LRRC7: variants seen among roughly 807,000 people sequenced by gnomAD.
The protein encoded by LRRC7 is leucine-rich repeat-containing protein 7.
A neutral mutation model predicts 175.7 loss-of-function variants in LRRC7; 23 were observed. The observed-to-expected ratio is 0.13, with a 90% CI of 0.09 to 0.19. The LOEUF (loss-of-function observed/expected upper bound fraction) is 0.19, where lower values mean the gene tolerates loss of function less well. LRRC7 is among the 10% of genes least tolerant of loss of function. LRRC7 has a pLI of 1.00. For missense variants in LRRC7, 1,354 were observed against 1,904.7 expected (o/e 0.71, Z 5.38); for synonymous variants, 685 against 680.9 (o/e 1.01, Z -0.09).
At chr1:69,911,106 T>G (rs2101702332) in intron 7 of LRRC7, among the ~76,000 whole-genome samples, 1 of 152,310 alleles carries the variant, frequency 6.6e-6, no homozygotes, top group South Asian at 2.1e-4. Flanking sequence ...CTGTCACCCC[T>G]TTCTTTGACT....
chr1:70,051,204 G>C (rs1571178358), intron 22 of LRRC7, among the ~76,000 whole-genome samples: 1 of 152,132 alleles, frequency 6.6e-6, no homozygotes, highest in East Asian at 1.9e-4. Context: ...TACAGATAGA[G>C]TTGGGGAGGA....
chr1:69,860,131 C>G (rs1684200191), intron 7 of LRRC7, among the ~76,000 whole-genome samples: 1 of 151,772 alleles, frequency 6.6e-6, no homozygotes, highest in Non-Finnish European at 1.5e-5. Context: ...GTTTTTTAAA[C>G]TTTTAAATGT....
At chr1:69,922,944 A>G (rs1456650983) in intron 7 of LRRC7, among the ~76,000 whole-genome samples, 3 of 151,774 alleles carry the variant, frequency 2.0e-5, no homozygotes, top group Non-Finnish European at 4.4e-5. Flanking sequence ...TATACCTCCT[A>G]ATGCTATCCC....
In LRRC7 at chr1:69,574,683, T is replaced by C. The variant is rs371935960; in HGVS notation, c.2+6042T>C. Among the ~76,000 whole-genome samples, 6 of 152,274 alleles carry C rather than the reference T, an allele frequency of 3.9e-5. No individual in the cohort carries two copies. In the South Asian group the frequency reaches 1.0e-3, roughly 26 times the overall value. ...TTATAAATACTAACTACTTAAGTGTTCTGCATCAAAAGTATTCATCATTGC... is the reference window on the plus strand; with the variant it reads ...TTATAAATACTAACTACTTAAGTGTCCTGCATCAAAAGTATTCATCATTGC... On this transcript the variant is annotated intron_variant, in intron 1 of 26. Coordinates refer to ENST00000651989, the MANE Select transcript of LRRC7 (RefSeq NM_001370785.2).
intron 4 of LRRC7, among the ~76,000 whole-genome samples, chr1:69,819,577 C>CTG (rs71071379): frequency 0.07 from 8,042 of 114,752 alleles, 349 homozygotes; most frequent in African/African-American, 0.13. Flanking sequence ...CTCTCTCTCT[C>CTG]TGTGTGTGTG....
At chr1:69,616,213 A>T (rs1042476666) in intron 1 of LRRC7, among the ~76,000 whole-genome samples, 11 of 152,164 alleles carry the variant, frequency 7.2e-5, no homozygotes, top group Admixed American at 2.0e-4. Context: ...ATAAAATTTA[A>T]TGTCAATTTT....
At chr1:70,012,227 T>C (rs979397730) in intron 12 of LRRC7, among the ~76,000 whole-genome samples, 7 of 151,994 alleles carry the variant, frequency 4.6e-5, no homozygotes, top group Admixed American at 3.3e-4. Context: ...AGAATAGTTA[T>C]AAATAATATT....
chr1:70,000,288 C>A (rs1245933980), intron 11 of LRRC7, among the ~76,000 whole-genome samples: 1 of 152,020 alleles, frequency 6.6e-6, no homozygotes, highest in Admixed American at 6.6e-5. Context: ...TTTACTGTAC[C>A]TTTTCTATGT....
Position 69,595,774 on chromosome 1 carries a change from C to T in LRRC7, c.2+27133C>T, listed in dbSNP as rs72936520. Among the ~76,000 whole-genome samples the T allele has an allele frequency of 7.1e-3, 1,077 of 152,168 alleles. 6 individuals are homozygous for T. Among genetic ancestry groups the T allele is most frequent in the African/African-American group, 0.024 (1,000 of 41,536 alleles). Reference sequence around the variant, plus strand: ...CAGATGGCACTTCAATAATATATTACGGTGTATTACAAAGACTGTACAGAT... The same window carrying T: ...CAGATGGCACTTCAATAATATATTATGGTGTATTACAAAGACTGTACAGAT... On this transcript the variant is annotated intron_variant, in intron 1 of 26. Coordinates refer to ENST00000651989, the MANE Select transcript of LRRC7 (RefSeq NM_001370785.2).
At chr1:70,029,317 T>C (rs1008735414) in intron 18 of LRRC7, among the ~76,000 whole-genome samples, 1 of 152,158 alleles carries the variant, frequency 6.6e-6, no homozygotes, top group African/African-American at 2.4e-5. Flanking sequence ...GAGAATATAA[T>C]GCTCCAAGTT....
rs145195381 is a variant in LRRC7, at chr1:69,609,531, A to G, written c.2+40890A>G. Among the ~76,000 whole-genome samples, 12 of 152,148 alleles carry G rather than the reference A, an allele frequency of 7.9e-5. No individual in the cohort carries two copies. The East Asian group carries it at 2.1e-3, about 27-fold the overall frequency. On this transcript the variant is annotated intron_variant, in intron 1 of 26. Coordinates refer to ENST00000651989, the MANE Select transcript of LRRC7 (RefSeq NM_001370785.2). The stretch of plus-strand genomic sequence containing the variant: ...GAATACTGATGACACTGAACTCTAA[A>G]GATATCTTGTTAATATGTGTACTAT...
chr1:69,771,728 T>C (rs1672261019), intron 3 of LRRC7, among the ~76,000 whole-genome samples: 1 of 152,194 alleles, frequency 6.6e-6, no homozygotes, highest in South Asian at 2.1e-4. Context: ...GATCAACAAA[T>C]TTCTATTCTC....
chr1:69,576,787 C>G (rs1435677056), intron 1 of LRRC7, among the ~76,000 whole-genome samples: 1 of 152,108 alleles, frequency 6.6e-6, no homozygotes, highest in African/African-American at 2.4e-5. Flanking sequence ...TGTGATGGAA[C>G]AGAACATATT....
chr1:69,640,662 G>T, intron 1 of LRRC7, among the ~76,000 whole-genome samples: 1 of 149,254 alleles, frequency 6.7e-6, no homozygotes, highest in Non-Finnish European at 1.5e-5. Context: ...TCTAACTTTG[G>T]TAAATAAAGT....
chr1:69,975,594 T>C (rs530630942), intron 8 of LRRC7, among the ~76,000 whole-genome samples: 1 of 152,326 alleles, frequency 6.6e-6, no homozygotes, highest in Admixed American at 6.5e-5. Context: ...TTGCTCTCAG[T>C]GATGCCTCTC....
intron 8 of LRRC7, among the ~76,000 whole-genome samples, chr1:69,978,978 T>G (rs1382567741): frequency 6.6e-6 from 1 of 150,574 alleles, no homozygotes; most frequent in Non-Finnish European, 1.5e-5. Context: ...CAGGCTTATA[T>G]AATCTTACCA....
chr1:69,719,561 T>G lies in LRRC7; in HGVS notation c.101-40630T>G, dbSNP rs114109245. On this transcript the variant is annotated intron_variant, in intron 2 of 26. Coordinates refer to ENST00000651989, the MANE Select transcript of LRRC7 (RefSeq NM_001370785.2). ...ATTTTTATTTTTCTTGACCTAGCAT[T>G]ATAGACTTAATTTTCATAATTGTAA... 7.8e-3 allele frequency among the ~76,000 whole-genome samples: 1,186 copies of G among 151,762 alleles called. 7 individuals are homozygous for G. The highest frequency in any genetic ancestry group is 0.027 in the African/African-American group (1,127 of 41,526).
At chr1:70,010,500 G>T (rs1006550691) in intron 11 of LRRC7, among the ~76,000 whole-genome samples, 2 of 152,222 alleles carry the variant, frequency 1.3e-5, no homozygotes, top group Admixed American at 1.3e-4. Flanking sequence ...AGGAAGTGGG[G>T]GTTGCAGTGA....
At chr1:70,045,486 T>C (rs1166589057) in intron 22 of LRRC7, among the ~76,000 whole-genome samples, 1 of 152,112 alleles carries the variant, frequency 6.6e-6, no homozygotes, top group Non-Finnish European at 1.5e-5. Flanking sequence ...TGAAACCTGT[T>C]CTTCATGTCC....
Sources: allele counts gnomAD v4.1 joint callset (sites outside exome capture counted in the v4.1 genomes callset), GRCh38; gene constraint gnomAD v4.1.1; transcripts MANE v1.5; gene names NCBI Gene and HGNC (gene_info 2026-07-23, HGNC 2026-07-21).